FHIT: variants seen among roughly 807,000 people sequenced by gnomAD.
FHIT encodes the protein fragile histidine triad diadenosine triphosphatase, also known as bis(5'-adenosyl)-triphosphatase.
A neutral mutation model predicts 17.9 loss-of-function variants in FHIT; 19 were observed. The ratio of observed to expected loss-of-function variants is 1.06; its 90% CI spans 0.74 to 1.56. The LOEUF (loss-of-function observed/expected upper bound fraction) is 1.56, where lower values mean the gene tolerates loss of function less well. Ranked by LOEUF, FHIT falls within the 40% of genes most tolerant of loss-of-function variation. FHIT has a pLI of 0.00. For synonymous variants in FHIT, 81 were observed against 69.7 expected (o/e 1.16, Z -0.81); for missense variants, 248 against 189.2 (o/e 1.31, Z -1.82).
intron 7 of FHIT, among the ~76,000 whole-genome samples, chr3:59,942,154 C>T (rs1198264534): frequency 6.6e-6 from 1 of 152,310 alleles, no homozygotes; most frequent in Non-Finnish European, 1.5e-5. Flanking sequence ...GCTCTCTCCA[C>T]ACTTGGTTTC....
intron 5 of FHIT, among the ~76,000 whole-genome samples, chr3:60,353,453 G>A (rs1375055433): frequency 6.6e-6 from 1 of 152,060 alleles, no homozygotes; most frequent in Non-Finnish European, 1.5e-5. Context: ...CCTTCCCTCA[G>A]GGCACACAGA....
At chr3:60,230,585 A>G (rs943650505) in intron 5 of FHIT, among the ~76,000 whole-genome samples, 1 of 152,244 alleles carries the variant, frequency 6.6e-6, no homozygotes, top group Non-Finnish European at 1.5e-5. Flanking sequence ...AATGGATTCA[A>G]TTCACTGGTC....
At chr3:59,829,777 G>A (rs779655332) in intron 8 of FHIT, among the ~76,000 whole-genome samples, 7 of 152,128 alleles carry the variant, frequency 4.6e-5, no homozygotes, top group Non-Finnish European at 1.0e-4. Flanking sequence ...TGATACAGAG[G>A]CTGCAGGCCC....
At chr3:60,724,461 T>A (rs192400777) in intron 4 of FHIT, among the ~76,000 whole-genome samples, 16 of 152,328 alleles carry the variant, frequency 1.1e-4, no homozygotes, top group African/African-American at 3.8e-4. Context: ...AATTTTTTTA[T>A]GCACATATGA....
In FHIT at chr3:59,748,086, C is replaced by T. The variant is rs1264687533; in HGVS notation, c.*1499G>A. 6.6e-5 allele frequency among the ~76,000 whole-genome samples: 10 copies of T among 152,144 alleles called. No homozygotes were observed. The highest frequency in any genetic ancestry group is 1.5e-4 in the Non-Finnish European group (10 of 68,028). ...TTAACACAGAGACTGAATCTCACTC[C>T]TAGTTGCTAAGGCAAGCAACTATGC... On this transcript the variant is annotated 3_prime_UTR_variant, in exon 10 of 10. Transcript: ENST00000492590.
At chr3:60,116,270 T>C (rs1397386480) in intron 5 of FHIT, among the ~76,000 whole-genome samples, 1 of 152,162 alleles carries the variant, frequency 6.6e-6, no homozygotes, top group Non-Finnish European at 1.5e-5. Context: ...ATGAGAATTA[T>C]ATTGTAGTTG....
At chr3:60,159,953 C>T (rs1430001682) in intron 5 of FHIT, among the ~76,000 whole-genome samples, 2 of 152,174 alleles carry the variant, frequency 1.3e-5, no homozygotes, top group Admixed American at 6.5e-5. Flanking sequence ...TACTACACTG[C>T]CTTGTTCCAA....
chr3:60,928,280 T>C lies in FHIT; in HGVS notation c.-110-106269A>G, dbSNP rs1403132689. Among the ~76,000 whole-genome samples, 67 of 138,344 alleles carry C rather than the reference T, an allele frequency of 4.8e-4. 3 individuals are homozygous for C. The highest frequency in any genetic ancestry group is 1.5e-5 in the Non-Finnish European group (1 of 65,856). 90.8% of individuals were successfully genotyped at this position (138,344 alleles called of 152,430 possible). On this transcript the variant is annotated intron_variant, in intron 3 of 9. Coordinates refer to ENST00000492590, the MANE Select transcript of FHIT (RefSeq NM_002012.4). ...TATGACCCTGCGAAATCCCCCTCTC[T>C]GAGAAACACCCAAGAATGATCAACA...
intron 3 of FHIT, among the ~76,000 whole-genome samples, chr3:60,830,080 C>T (rs770894102): frequency 4.6e-5 from 7 of 152,028 alleles, no homozygotes; most frequent in Non-Finnish European, 1.0e-4. Context: ...ACTGACTATC[C>T]CCCATACCCT....
intron 5 of FHIT, among the ~76,000 whole-genome samples, chr3:60,535,265 C>T (rs2035939986): frequency 6.6e-6 from 1 of 152,094 alleles, no homozygotes; most frequent in African/African-American, 2.4e-5. Context: ...TCTCTGTGAC[C>T]TCTAATTTTC....
At chr3:60,936,848 CA>C (rs1239904886) in intron 3 of FHIT, among the ~76,000 whole-genome samples, 1 of 151,700 alleles carries the variant, frequency 6.6e-6, no homozygotes, top group African/African-American at 2.4e-5. Flanking sequence ...ACAAAGAAAG[CA>C]AAGAAAAAAA....
intron 5 of FHIT, among the ~76,000 whole-genome samples, chr3:60,349,452 T>C (rs80319978): frequency 0.01 from 1,557 of 152,310 alleles, 34 homozygotes; most frequent in African/African-American, 0.036. Context: ...CCAGATGTTT[T>C]CTGGAATGCT....
chr3:59,991,503 T>C (rs1460004541), intron 7 of FHIT, among the ~76,000 whole-genome samples: 1 of 152,034 alleles, frequency 6.6e-6, no homozygotes, highest in Non-Finnish European at 1.5e-5. Context: ...TAATTTCACT[T>C]GTCTCACCCT....
intron 2 of FHIT, among the ~76,000 whole-genome samples, chr3:61,064,410 G>T (rs1418130894): frequency 6.6e-6 from 1 of 152,102 alleles, no homozygotes; most frequent in Non-Finnish European, 1.5e-5. Context: ...AAGCATGAAA[G>T]GAGCTTGGAT....
intron 4 of FHIT, among the ~76,000 whole-genome samples, chr3:60,602,805 G>C (rs1239656394): frequency 6.6e-6 from 1 of 151,988 alleles, no homozygotes; most frequent in Non-Finnish European, 1.5e-5. Context: ...CTCATGACTG[G>C]GATTAGTGCC....
At chr3:60,894,856 TCAAA>T (rs1308982955) in intron 3 of FHIT, among the ~76,000 whole-genome samples, 2 of 152,114 alleles carry the variant, frequency 1.3e-5, no homozygotes, top group Non-Finnish European at 2.9e-5. Context: ...TCCCCTTCCC[TCAAA>T]CAAACAAATG....
chr3:60,145,475 C>T (rs1700201760), intron 5 of FHIT, among the ~76,000 whole-genome samples: 1 of 152,110 alleles, frequency 6.6e-6, no homozygotes, highest in African/African-American at 2.4e-5. Flanking sequence ...TGCATTTTGC[C>T]TCCAATTTAG....
At chr3:60,429,624 T>A (rs1297901795) in intron 5 of FHIT, among the ~76,000 whole-genome samples, 1 of 152,086 alleles carries the variant, frequency 6.6e-6, no homozygotes, top group African/African-American at 2.4e-5. Context: ...TGATAGATGA[T>A]GCTCTAATAA....
At chr3:60,431,778 T>A (rs1359335049) in intron 5 of FHIT, among the ~76,000 whole-genome samples, 2 of 152,034 alleles carry the variant, frequency 1.3e-5, no homozygotes, top group African/African-American at 4.8e-5. Flanking sequence ...GGTGAGCACT[T>A]ACAGACTCTC....
Sources: gnomAD v4.1 joint callset for allele counts (sites outside exome capture counted in the v4.1 genomes callset) on GRCh38, gnomAD v4.1.1 for gene constraint, MANE v1.5 for transcripts, NCBI Gene and HGNC (gene_info 2026-07-23, HGNC 2026-07-21) for gene names.